The following LNP1 variants were observed in gnomAD, a reference collection of about 807,000 sequenced individuals.
LNP1 encodes leukemia NUP98 fusion partner 1.
In LNP1, 12 loss-of-function variants were observed where a neutral mutation model predicts 14.5. That is an observed-to-expected ratio of 0.83 (90% CI 0.53 to 1.34). The LOEUF is 1.34. Among genes scored for constraint, LNP1 ranks in the 40% most tolerant of loss-of-function variants. The pLI is 0.00. For missense variants in LNP1, 198 were observed against 210.9 expected, an observed-to-expected ratio of 0.94 and a Z score of 0.38; for synonymous variants, 75 against 71.4, an observed-to-expected ratio of 1.05 and a Z score of -0.26.
intron 2 of LNP1, among the ~76,000 whole-genome samples, chr3:100,437,706 C>A (rs1194969175): frequency 2.0e-5 from 3 of 152,116 alleles, no homozygotes; most frequent in Non-Finnish European, 4.4e-5. Flanking sequence ...ATATAAAATT[C>A]TTTCAGATGA....
intron 1 of LNP1, among the ~76,000 whole-genome samples, chr3:100,427,172 C>T (rs766686426): frequency 1.3e-5 from 2 of 151,710 alleles, no homozygotes; most frequent in African/African-American, 2.4e-5. Flanking sequence ...TTAACAAAAA[C>T]GTTAAAAGTT....
intron 3 of LNP1, among the ~76,000 whole-genome samples, chr3:100,454,765 A>G (rs932465720): frequency 6.6e-6 from 1 of 152,228 alleles, no homozygotes; most frequent in African/African-American, 2.4e-5. Flanking sequence ...TGACTGCGTT[A>G]ACATTGTAGA....
At chr3:100,454,388 A>C (rs1707488999) in intron 3 of LNP1, among the ~76,000 whole-genome samples, 1 of 152,032 alleles carries the variant, frequency 6.6e-6, no homozygotes, top group Non-Finnish European at 1.5e-5. Context: ...TCCCTATTTG[A>C]TAATCTACAC....
At chr3:100,434,414 C>T (rs2148904612) in intron 2 of LNP1, among the ~76,000 whole-genome samples, 1 of 152,196 alleles carries the variant, frequency 6.6e-6, no homozygotes, top group South Asian at 2.1e-4. Context: ...TATTCTGTTC[C>T]ACTGGTCTAT....
At chr3:100,425,132 T>C (rs1707180305) in intron 1 of LNP1, among the ~76,000 whole-genome samples, 1 of 152,110 alleles carries the variant, frequency 6.6e-6, no homozygotes, top group Non-Finnish European at 1.5e-5. Context: ...GGAAGGACAA[T>C]CCCAGAGAGC....
At chr3:100,452,445 A>G (rs1230207375) in intron 3 of LNP1, among the ~76,000 whole-genome samples, 1 of 151,786 alleles carries the variant, frequency 6.6e-6, no homozygotes, top group African/African-American at 2.4e-5. Context: ...GGGCTCAAGC[A>G]ATGCTCCTGC....
intron 1 of LNP1, among the ~76,000 whole-genome samples, chr3:100,423,904 A>G (rs1325272300): frequency 3.9e-5 from 6 of 152,198 alleles, no homozygotes; most frequent in Non-Finnish European, 5.9e-5. Context: ...GAAAGCAGGT[A>G]TCTGGGCTTC....
intron 1 of LNP1, among the ~76,000 whole-genome samples, chr3:100,404,048 T>A (rs780027770): frequency 6.6e-6 from 1 of 152,228 alleles, no homozygotes; most frequent in Non-Finnish European, 1.5e-5. Context: ...TTTCATTCTG[T>A]TTTTCCTTAC....
intron 2 of LNP1, among the ~76,000 whole-genome samples, chr3:100,450,907 A>G (rs951456735): frequency 2.7e-5 from 4 of 149,926 alleles, no homozygotes; most frequent in Non-Finnish European, 5.9e-5. Flanking sequence ...ATAAATAGAG[A>G]GAGAGAGGAG....
intron 1 of LNP1, among the ~76,000 whole-genome samples, chr3:100,403,571 TCTC>T (rs1287250850): frequency 6.6e-6 from 1 of 152,034 alleles, no homozygotes; most frequent in Non-Finnish European, 1.5e-5. Flanking sequence ...TTCAAGCAAT[TCTC>T]CTCCCTCAGC....
intron 2 of LNP1, among the ~76,000 whole-genome samples, chr3:100,444,342 A>G (rs976280463): frequency 6.6e-6 from 1 of 152,250 alleles, no homozygotes; most frequent in Non-Finnish European, 1.5e-5. Context: ...ATTATTACTT[A>G]TAATGTCCAT....
chr3:100,423,382 G>A (rs549635060), intron 1 of LNP1, among the ~76,000 whole-genome samples: 1 of 152,300 alleles, frequency 6.6e-6, no homozygotes, highest in Admixed American at 6.5e-5. Context: ...AATCGGATGG[G>A]CGTGGTGGCT....
chr3:100,426,150 C>T (rs184748261), intron 1 of LNP1, among the ~76,000 whole-genome samples: 1 of 152,182 alleles, frequency 6.6e-6, no homozygotes, highest in African/African-American at 2.4e-5. Flanking sequence ...AGTTCGGTTT[C>T]AAATGGTCCT....
intron 3 of LNP1, 132 bp downstream of exon 3, chr3:100,452,081 G>C: frequency 1.8e-6 from 1 of 552,894 alleles, no homozygotes; most frequent in South Asian, 3.0e-5. Context: ...TTTGAAAAAT[G>C]ACATTCAGTT....
rs1219274457 is a variant in LNP1, at chr3:100,402,805, C to A, written c.-34+366C>A. ...AGCAATACACTGTTACGGTTAAACT[C>A]CAAAAGTTACAGAGTTTACTGTGAA... On this transcript the variant is annotated intron_variant, in intron 1 of 3. Coordinates refer to ENST00000383693, the MANE Select transcript of LNP1 (RefSeq NM_001085451.2). 2.0e-5 allele frequency among the ~76,000 whole-genome samples: 3 copies of A among 152,116 alleles called. No individual in the cohort carries two copies. The East Asian group carries it at 5.8e-4, about 29-fold the overall frequency.
intron 1 of LNP1, among the ~76,000 whole-genome samples, chr3:100,404,015 A>G (rs1706940089): frequency 6.6e-6 from 1 of 152,234 alleles, no homozygotes; most frequent in Non-Finnish European, 1.5e-5. Context: ...GAACAGCTCT[A>G]TTCTCTTTCA....
chr3:100,431,990 GTTTATATATATATATATATA>G lies in LNP1; in HGVS notation c.156+2107_156+2126del, dbSNP rs1343710007. Among the ~76,000 whole-genome samples the G allele has an allele frequency of 2.2e-4, 21 of 94,950 alleles. 2 individuals are homozygous for G. Among genetic ancestry groups the G allele is most frequent in the African/African-American group, 8.3e-4 (17 of 20,396 alleles). 62.3% of individuals were successfully genotyped at this position (94,950 alleles called of 152,430 possible). On this transcript the variant is annotated intron_variant, in intron 2 of 3. Coordinates refer to ENST00000383693, the MANE Select transcript of LNP1 (RefSeq NM_001085451.2). Reference sequence around the variant, plus strand: ...AACCTGGGTAACAGAATGAGACCTTGTTTATATATATATATATATATATATATATATATATATATATATAT... The same window carrying G: ...AACCTGGGTAACAGAATGAGACCTTGTATATATATATATATATATATATAT...
chr3:100,453,846 T>C (rs1178774441), intron 3 of LNP1, among the ~76,000 whole-genome samples: 2 of 152,148 alleles, frequency 1.3e-5, no homozygotes, highest in African/African-American at 4.8e-5. Flanking sequence ...ACTGATATAA[T>C]ACTATTATCT....
chr3:100,407,317 CTT>C (rs1276662321), intron 1 of LNP1, among the ~76,000 whole-genome samples: 1 of 152,128 alleles, frequency 6.6e-6, no homozygotes, highest in Non-Finnish European at 1.5e-5. Context: ...CTAGGAAAGT[CTT>C]TATCTCATGT....
Sources: allele counts gnomAD v4.1 joint callset (sites outside exome capture counted in the v4.1 genomes callset), GRCh38; gene constraint gnomAD v4.1.1; transcripts MANE v1.5; gene names NCBI Gene and HGNC (gene_info 2026-07-23, HGNC 2026-07-21).